The following CREB5 variants were observed in gnomAD, a reference collection of about 807,000 sequenced individuals.
The protein encoded by CREB5 is cyclic AMP-responsive element-binding protein 5.
Under a neutral mutation model 57.1 loss-of-function variants are expected in CREB5, and 19 were observed. That is an observed-to-expected ratio of 0.33 (90% confidence interval 0.23 to 0.49). The LOEUF is 0.49. Ranked by LOEUF, CREB5 falls within the 20% of genes least tolerant of loss-of-function variation. The probability of loss-of-function intolerance (pLI) is 0.99; values close to 1 mark genes in which losing one functional copy is unlikely to be tolerated. For missense variants in CREB5, 579 were observed against 671.6 expected (o/e 0.86, Z 1.52); for synonymous variants, 238 against 238.3 (o/e 1.00, Z 0.01).
chr7:28,550,178 C>T (rs1794573106), intron 4 of CREB5, among the ~76,000 whole-genome samples: 1 of 152,020 alleles, frequency 6.6e-6, no homozygotes, highest in Non-Finnish European at 1.5e-5. Flanking sequence ...TTCTCCTTCT[C>T]CTCTCCCTCC....
chr7:28,700,378 C>T (rs1446121560), intron 5 of CREB5, among the ~76,000 whole-genome samples: 9 of 152,192 alleles, frequency 5.9e-5, no homozygotes, highest in East Asian at 1.9e-4. Flanking sequence ...TCTCCCATTA[C>T]ACCCTCAGCT....
intron 5 of CREB5, among the ~76,000 whole-genome samples, chr7:28,677,175 AT>A (rs1398706094): frequency 1.3e-5 from 2 of 152,194 alleles, no homozygotes; most frequent in Non-Finnish European, 2.9e-5. Flanking sequence ...GTATTTATAT[AT>A]TTTTTTCATT....
intron 5 of CREB5, among the ~76,000 whole-genome samples, chr7:28,632,874 A>G (rs35766531): frequency 7.9e-5 from 12 of 152,110 alleles, no homozygotes; most frequent in Non-Finnish European, 1.3e-4. Context: ...TCCTCCACTA[A>G]AATAGAAACA....
intron 5 of CREB5, among the ~76,000 whole-genome samples, chr7:28,672,180 A>C (rs375580535): frequency 0.31 from 25,851 of 84,140 alleles, 2,502 homozygotes; most frequent in Non-Finnish European, 0.42. Context: ...TTATGGAAAA[A>C]AAAAAAAAAC....
chr7:28,533,114 G>A (rs1435172143), intron 4 of CREB5, among the ~76,000 whole-genome samples: 1 of 152,104 alleles, frequency 6.6e-6, no homozygotes, highest in Non-Finnish European at 1.5e-5. Context: ...AATTAGCCGG[G>A]TGTGGTGGTG....
intron 1 of CREB5, among the ~76,000 whole-genome samples, chr7:28,447,454 A>C (rs1479007465): frequency 6.6e-6 from 1 of 152,030 alleles, no homozygotes; most frequent in Non-Finnish European, 1.5e-5. Context: ...ATTTGGACCA[A>C]CTCATTCAGT....
intron 7 of CREB5, among the ~76,000 whole-genome samples, chr7:28,734,484 T>G (rs985140584): frequency 1.3e-5 from 2 of 152,140 alleles, no homozygotes; most frequent in African/African-American, 4.8e-5. Flanking sequence ...AACATTTTAA[T>G]AATTATCTAA....
At chr7:28,499,230 T>A (rs147429937) in intron 3 of CREB5, among the ~76,000 whole-genome samples, 1 of 150,326 alleles carries the variant, frequency 6.7e-6, no homozygotes, top group Admixed American at 6.6e-5. Flanking sequence ...ACCTTATTTA[T>A]AGCTGAACAG....
At chr7:28,325,040 CTACTACA>C (rs1483291117) in intron 1 of CREB5, among the ~76,000 whole-genome samples, 1 of 152,216 alleles carries the variant, frequency 6.6e-6, no homozygotes, top group Admixed American at 6.5e-5. Context: ...ATGCATCACT[CTACTACA>C]TACTGTCATC....
At chr7:28,625,181 G>A (rs751657928) in intron 5 of CREB5, among the ~76,000 whole-genome samples, 3 of 152,174 alleles carry the variant, frequency 2.0e-5, no homozygotes, top group Non-Finnish European at 4.4e-5. Flanking sequence ...TACAGGGCTA[G>A]TACCTGTGGA....
chr7:28,661,098 A>G (rs984833162), intron 5 of CREB5, among the ~76,000 whole-genome samples: 3 of 152,108 alleles, frequency 2.0e-5, no homozygotes, highest in Non-Finnish European at 4.4e-5. Context: ...TGAGGGGAGA[A>G]GTAGAAATGA....
intron 4 of CREB5, among the ~76,000 whole-genome samples, chr7:28,542,728 C>A (rs1481333344): frequency 6.6e-6 from 1 of 152,152 alleles, no homozygotes; most frequent in Non-Finnish European, 1.5e-5. Context: ...GTAATTCCAT[C>A]AAGGGGCTTT....
intron 5 of CREB5, chr7:28,686,110 G>A (rs1221414236): frequency 6.2e-7 from 1 of 1,611,348 alleles, no homozygotes; most frequent in African/African-American, 1.3e-5. Context: ...AGCTAGTTAA[G>A]CTTTGGCTCA....
At chr7:28,421,902 T>C (rs188093684) in intron 1 of CREB5, among the ~76,000 whole-genome samples, 16 of 120,710 alleles carry the variant, frequency 1.3e-4, no homozygotes, top group African/African-American at 4.3e-4. Flanking sequence ...ACCATATATA[T>C]AGAGAGAGTG....
intron 4 of CREB5, among the ~76,000 whole-genome samples, chr7:28,542,530 C>A (rs573352490): frequency 6.6e-6 from 1 of 152,114 alleles, no homozygotes; most frequent in African/African-American, 2.4e-5. Context: ...TAACACTTAG[C>A]ACCTCAGACC....
intron 1 of CREB5, among the ~76,000 whole-genome samples, chr7:28,456,464 G>T (rs1790097366): frequency 1.3e-5 from 2 of 152,114 alleles, no homozygotes; most frequent in African/African-American, 4.8e-5. Flanking sequence ...CTCACTCATG[G>T]TTACGGACTA....
At chr7:28,459,478 G>C (rs1274870940) in intron 1 of CREB5, among the ~76,000 whole-genome samples, 2 of 152,092 alleles carry the variant, frequency 1.3e-5, no homozygotes, top group African/African-American at 4.8e-5. Context: ...TCATGGAAAG[G>C]GCCCTTCAAA....
intron 7 of CREB5, chr7:28,779,321 A>G (rs1456564112): frequency 6.6e-6 from 1 of 152,242 alleles, no homozygotes; most frequent in Non-Finnish European, 1.5e-5. Flanking sequence ...GGAAGTTCAC[A>G]GTTTAAAATT....
At chr7:28,530,473 CTG>C (rs1293536635) in intron 4 of CREB5, among the ~76,000 whole-genome samples, 1 of 152,294 alleles carries the variant, frequency 6.6e-6, no homozygotes, top group East Asian at 1.9e-4. Context: ...AGGCAGGAAA[CTG>C]TGACTGAAAA....
Sources: gnomAD v4.1 joint callset for allele counts (sites outside exome capture counted in the v4.1 genomes callset) on GRCh38, gnomAD v4.1.1 for gene constraint, MANE v1.5 for transcripts, NCBI Gene and HGNC (gene_info 2026-07-23, HGNC 2026-07-21) for gene names.